Variants in BTBD8 observed in about 807,000 individuals in gnomAD.
The protein encoded by BTBD8 is BTB/POZ domain-containing protein 8.
In BTBD8, 110 loss-of-function variants were observed where a neutral mutation model predicts 162.9. The observed-to-expected ratio is 0.68, with a 90% confidence interval of 0.58 to 0.79. The LOEUF (loss-of-function observed/expected upper bound fraction) is 0.79, where lower values mean the gene tolerates loss of function less well. BTBD8 is among the 30% of genes least tolerant of loss of function. BTBD8 has a pLI of 0.00. For synonymous variants in BTBD8, 667 were observed against 716.1 expected, an observed-to-expected ratio of 0.93 and a Z score of 1.10; for missense variants, 1,905 against 2,085.4, an observed-to-expected ratio of 0.91 and a Z score of 1.68.
At chr1:92,120,880 A>G (rs1649189298) in intron 4 of BTBD8, among the ~76,000 whole-genome samples, 1 of 152,208 alleles carries the variant, frequency 6.6e-6, no homozygotes, top group African/African-American at 2.4e-5. Flanking sequence ...CTTATGCCTC[A>G]GCCTCCCAAG....
intron 13 of BTBD8, among the ~76,000 whole-genome samples, chr1:92,175,695 C>G (rs1650694186): frequency 6.6e-6 from 1 of 151,482 alleles, no homozygotes; most frequent in South Asian, 2.1e-4. Flanking sequence ...ACTCAGGAGG[C>G]TGAGGCAGGA....
intron 16 of BTBD8, 32 bp from the exon 17 acceptor site, chr1:92,180,233 C>T (rs1023405140): frequency 7.0e-7 from 1 of 1,432,994 alleles, no homozygotes; most frequent in South Asian, 1.5e-5. Flanking sequence ...GGTGATATTA[C>T]ATTACTGAAT....
rs2100688780 is a variant in BTBD8, at chr1:92,178,364, A to G, written c.2494A>G (p.Ile832Val). ...KGCSEPVPQA[I>V]LKKRGTSNGC... Reference sequence around the variant, plus strand: ...ATGTAGTGAGCCAGTACCACAGGCAATTTTGAAGAAAAGAGGAACTAGCAA... The same window carrying G: ...ATGTAGTGAGCCAGTACCACAGGCAGTTTTGAAGAAAAGAGGAACTAGCAA... The change falls in exon 16 of 18, where the codon ATT becomes GTT. Residue 832 changes from isoleucine to valine, a missense_variant. By Grantham distance (29) the Ile-to-Val change is conservative (BLOSUM62 3). Around this residue, in one of 3 missense-constraint regions of BTBD8, gnomAD observed 1,374 missense variants for 1,442.7 expected, o/e 0.95. Coordinates refer to ENST00000636805, the MANE Select transcript of BTBD8 (RefSeq NM_001376131.1). 2 of 1,551,660 alleles carry G rather than the reference A, an allele frequency of 1.3e-6. No homozygotes were observed. The highest frequency in any genetic ancestry group is 1.2e-5 in the South Asian group (1 of 84,058).
At chr1:92,082,135 CCTTAT>C (rs1185919900) in intron 1 of BTBD8, among the ~76,000 whole-genome samples, 1 of 152,022 alleles carries the variant, frequency 6.6e-6, no homozygotes, top group Non-Finnish European at 1.5e-5. Flanking sequence ...AACAATTTAT[CCTTAT>C]CTTAGTTACA....
At chr1:92,095,748 C>G (rs1648431985) in intron 2 of BTBD8, among the ~76,000 whole-genome samples, 1 of 152,116 alleles carries the variant, frequency 6.6e-6, no homozygotes, top group African/African-American at 2.4e-5. Flanking sequence ...CTCTCAGTGC[C>G]TTCAATTCCT....
chr1:92,105,975 T>G (rs750492806), intron 3 of BTBD8, among the ~76,000 whole-genome samples: 1 of 152,202 alleles, frequency 6.6e-6, no homozygotes, highest in African/African-American at 2.4e-5. Flanking sequence ...AAATAAACAC[T>G]CCTAAGTTAG....
At position 92,139,367 on chromosome 1, in the gene BTBD8, T is replaced by C; in HGVS notation, c.770T>C (p.Leu257Pro). 6.3e-7 allele frequency: 1 copy of C among 1,590,040 alleles called. No homozygotes were observed. Among genetic ancestry groups the C allele is most frequent in the African/African-American group, 1.4e-5 (1 of 73,386 alleles). ...VTLQGISHVE[L>P]NVMMHFIYGG... ...TTTTTCAGTATAAGCCATGTAGAACTGAATGTTATGATGCATTTTATATAT... is the reference window on the plus strand; with the variant it reads ...TTTTTCAGTATAAGCCATGTAGAACCGAATGTTATGATGCATTTTATATAT... Residue 257 changes from leucine to proline, a missense_variant, in exon 6 of 18, where the codon CTG becomes CCG. Transcript: ENST00000636805.
At chr1:92,122,844 C>T (rs751155359) in intron 4 of BTBD8, among the ~76,000 whole-genome samples, 30 of 152,192 alleles carry the variant, frequency 2.0e-4, no homozygotes, top group Non-Finnish European at 3.7e-4. Flanking sequence ...GGATTACAAG[C>T]GTGAGCCACC....
chr1:92,081,810 G>C (rs1648024300), intron 1 of BTBD8, among the ~76,000 whole-genome samples: 1 of 152,204 alleles, frequency 6.6e-6, no homozygotes, highest in African/African-American at 2.4e-5. Flanking sequence ...GTGACCACAA[G>C]TGATCCGCCC....
At chr1:92,175,477 C>CAAAAAAAAAAAAAAAAAAAAAA (rs71091265) in intron 13 of BTBD8, among the ~76,000 whole-genome samples, 2 of 37,438 alleles carry the variant, frequency 5.3e-5, no homozygotes, top group African/African-American at 2.0e-4. Flanking sequence ...GACTCCATCT[C>CAAAAAAAAAAAAAAAAAAAAAA]AAAAAAAAAA....
At chr1:92,144,387 T>A (rs1365218771) in intron 7 of BTBD8, among the ~76,000 whole-genome samples, 3 of 152,144 alleles carry the variant, frequency 2.0e-5, no homozygotes, top group Admixed American at 6.6e-5. Context: ...GCCCCAGAAC[T>A]CCTAGCAAGC....
chr1:92,083,363 C>T (rs1211611612), intron 1 of BTBD8, among the ~76,000 whole-genome samples: 4 of 152,060 alleles, frequency 2.6e-5, no homozygotes, highest in Non-Finnish European at 5.9e-5. Flanking sequence ...TCTTCAGTGC[C>T]ATCAGTTGGT....
At chr1:92,087,726 G>T (rs1383737658) in intron 1 of BTBD8, among the ~76,000 whole-genome samples, 1 of 152,204 alleles carries the variant, frequency 6.6e-6, no homozygotes, top group Non-Finnish European at 1.5e-5. Context: ...GGTCCTGGGG[G>T]AGTATGAATG....
chr1:92,184,085 T>C lies in BTBD8; in HGVS notation c.5134T>C (p.Leu1712=). 6.4e-7 allele frequency: 1 copy of C among 1,551,700 alleles called. No homozygotes were observed. The highest frequency in any genetic ancestry group is 8.7e-7 in the Non-Finnish European group (1 of 1,146,890). ...ACTGCTCTCTGAACAGGATTCAAAC[T>C]TAGATGTTACAAATTCCGTTCCTGA... ...KQLLSEQDSN[L]DVTNSVPEDL... is the part of the protein sequence containing the mutation. The change falls in exon 18 of 18, where the codon TTA becomes CTA. Residue 1712 remains leucine (L), a synonymous_variant. Coordinates refer to ENST00000636805, the MANE Select transcript of BTBD8 (RefSeq NM_001376131.1).
At position 92,184,449 on chromosome 1, in the gene BTBD8, T is replaced by G; in HGVS notation, c.*119T>G. The stretch of plus-strand genomic sequence containing the variant: ...TCTTTAATATTGAGTCTTTCCAATT[T>G]AATGAGGTAAACATAGTTTATTTAT... On this transcript the variant is annotated 3_prime_UTR_variant, in exon 18 of 18. Transcript: ENST00000636805. The G allele has an allele frequency of 1.6e-6, 1 of 628,456 alleles. No individual in the cohort carries two copies. Among genetic ancestry groups the G allele is most frequent in the Non-Finnish European group, 2.7e-6 (1 of 372,030 alleles). The allele number at this position is 628,456 out of a possible 1,614,324, so 38.9% of individuals were successfully genotyped here. A position where few individuals can be genotyped will look rare whatever the true frequency, so the allele number is the denominator to read the frequency against.
chr1:92,155,255 A>G (rs886870037), intron 9 of BTBD8, among the ~76,000 whole-genome samples: 2 of 152,218 alleles, frequency 1.3e-5, no homozygotes, highest in African/African-American at 4.8e-5. Flanking sequence ...GTGGTTCCGT[A>G]TGAATTTTAG....
At chr1:92,178,288 C>A in intron 15 of BTBD8, 24 bp from the exon 16 acceptor site, 1 of 1,536,918 alleles carries the variant, frequency 6.5e-7, no homozygotes, top group Non-Finnish European at 8.8e-7. Flanking sequence ...AAGTGTAATA[C>A]TGAATGCAAA....
At chr1:92,153,817 G>A (rs1423603481) in intron 9 of BTBD8, among the ~76,000 whole-genome samples, 1 of 152,130 alleles carries the variant, frequency 6.6e-6, no homozygotes, top group Non-Finnish European at 1.5e-5. Flanking sequence ...CAGTGAACAT[G>A]GTAGTGCTAA....
At position 92,177,969 on chromosome 1, in the gene BTBD8, G is replaced by A. The variant is rs1461800293; in HGVS notation, c.2441+71G>A. On this transcript the variant is annotated intron_variant, in intron 15 of 17. Coordinates refer to ENST00000636805, the MANE Select transcript of BTBD8 (RefSeq NM_001376131.1). Reference sequence around the variant, plus strand: ...AAAGTTAATTATATACTAACTGCTAGCTAAATATTTTTAAAATATCTTTTA... The same window carrying A: ...AAAGTTAATTATATACTAACTGCTAACTAAATATTTTTAAAATATCTTTTA... The A allele has an allele frequency of 4.5e-6, 3 of 668,714 alleles. No individual in the cohort carries two copies. In the Admixed American group the frequency reaches 1.0e-4, roughly 23 times the overall value. 41.4% of individuals were successfully genotyped at this position (668,714 alleles called of 1,614,324 possible). A position where few individuals can be genotyped will look rare whatever the true frequency, so the allele number is the denominator to read the frequency against.
Sources: gnomAD v4.1 joint callset for allele counts (sites outside exome capture counted in the v4.1 genomes callset) on GRCh38, gnomAD v4.1.1 for gene constraint, gnomAD v4.1.1 regional missense constraint, MANE v1.5 for transcripts, NCBI Gene and HGNC (gene_info 2026-07-23, HGNC 2026-07-21) for gene names.